The following BAZ2B variants were observed in gnomAD, a reference collection of about 807,000 sequenced individuals.
BAZ2B encodes the protein bromodomain adjacent to zinc finger domain 2B, also known as bromodomain adjacent to zinc finger domain protein 2B.
Under a neutral mutation model 246.0 loss-of-function variants are expected in BAZ2B, and 91 were observed. The ratio of observed to expected loss-of-function variants is 0.37; its 90% confidence interval spans 0.31 to 0.44. The LOEUF is 0.44. Among genes scored for constraint, BAZ2B ranks in the 20% least tolerant of loss-of-function variants. The pLI is 1.00. For synonymous variants in BAZ2B, 855 were observed against 860.0 expected, an observed-to-expected ratio of 0.99 and a Z score of 0.10; for missense variants, 2,332 against 2,533.7, an observed-to-expected ratio of 0.92 and a Z score of 1.71.
chr2:159,462,907 G>T, intron 3 of BAZ2B: 2 of 1,574,280 alleles, frequency 1.3e-6, no homozygotes, highest in Non-Finnish European at 1.7e-6. Flanking sequence ...CAAGACTTCA[G>T]ACCTCCATCT....
chr2:159,462,466 C>A (rs1048015649), intron 3 of BAZ2B: 2 of 1,114,680 alleles, frequency 1.8e-6, no homozygotes, highest in African/African-American at 3.1e-5. Flanking sequence ...TGCGGGTAAC[C>A]GGAAGCTGCC....
At chr2:159,593,833 C>T (rs1018664649) in intron 1 of BAZ2B, among the ~76,000 whole-genome samples, 4 of 152,190 alleles carry the variant, frequency 2.6e-5, no homozygotes, top group Non-Finnish European at 4.4e-5. Context: ...AAGGCAGGGA[C>T]TACTGTAATA....
At chr2:159,681,651 C>A in the BAZ2B span, among the ~76,000 whole-genome samples, 2 of 152,186 alleles carry the variant, frequency 1.3e-5, no homozygotes, top group African/African-American at 4.8e-5. Context: ...TTATTTCAGG[C>A]TGGGTGTGGT....
In BAZ2B at chr2:159,462,353, C is replaced by T. The variant is rs2150618224; in HGVS notation, c.146-8552G>A. On this transcript the variant is annotated intron_variant, in intron 3 of 36. Coordinates refer to ENST00000392783, the MANE Select transcript of BAZ2B (RefSeq NM_013450.4). ...TTTATCATATGACCACATGTTGAATCCTTGTCTTTCCACATACTGAAGAAT... is the reference window on the plus strand; with the variant it reads ...TTTATCATATGACCACATGTTGAATTCTTGTCTTTCCACATACTGAAGAAT... 3.6e-6 allele frequency: 4 copies of T among 1,099,972 alleles called. No homozygotes were observed. The South Asian group carries it at 5.6e-5, about 15-fold the overall frequency. The allele number at this position is 1,099,972 out of a possible 1,614,324, so 68.1% of individuals were successfully genotyped here. A position where few individuals can be genotyped will look rare whatever the true frequency, so the allele number is the denominator to read the frequency against.
At chr2:159,456,489 A>T (rs558956600) in intron 3 of BAZ2B, among the ~76,000 whole-genome samples, 1 of 152,248 alleles carries the variant, frequency 6.6e-6, no homozygotes, top group South Asian at 2.1e-4. Flanking sequence ...ATACTTTGAC[A>T]ACAAAAAGTT....
chr2:159,621,562 T>TA (rs1226060939), upstream of BAZ2B, among the ~76,000 whole-genome samples: 2 of 152,058 alleles, frequency 1.3e-5, no homozygotes, highest in Admixed American at 6.5e-5. Context: ...GGCACATGAA[T>TA]AAAAAACCAA....
chr2:159,469,721 A>AT (rs1199955740), intron 3 of BAZ2B, among the ~76,000 whole-genome samples: 1 of 152,016 alleles, frequency 6.6e-6, no homozygotes, highest in Non-Finnish European at 1.5e-5. Flanking sequence ...GATTACAGGC[A>AT]TGAGCCACCA....
chr2:159,433,435 T>C (rs1054194629), intron 8 of BAZ2B, 72 bp from the exon 9 acceptor site: 1 of 1,380,188 alleles, frequency 7.2e-7, no homozygotes, highest in African/African-American at 1.5e-5. Context: ...TTGCTTTCAA[T>C]ATCTGAAAAC....
chr2:159,360,731 T>C (rs998990312), intron 27 of BAZ2B, among the ~76,000 whole-genome samples: 13 of 152,296 alleles, frequency 8.5e-5, no homozygotes, highest in African/African-American at 3.1e-4. Flanking sequence ...TAAAACAGTA[T>C]GGTACTGGTA....
intron 19 of BAZ2B, 55 bp downstream of exon 19, chr2:159,397,290 T>C: frequency 7.3e-7 from 1 of 1,369,486 alleles, no homozygotes; most frequent in South Asian, 1.3e-5. Context: ...CAAATAGGTT[T>C]AAGCAATATT....
chr2:159,690,501 G>A, the BAZ2B span, among the ~76,000 whole-genome samples: 2 of 151,760 alleles, frequency 1.3e-5, no homozygotes, highest in Non-Finnish European at 2.9e-5. Flanking sequence ...TTTCTAACTG[G>A]TAGTTATTGA....
intron 2 of BAZ2B, among the ~76,000 whole-genome samples, chr2:159,553,386 C>A (rs1448028167): frequency 1.2e-5 from 1 of 80,418 alleles, no homozygotes. Flanking sequence ...GAGTGAGACT[C>A]TGTCTCAAAA....
Position 159,520,074 on chromosome 2 carries a change from A to G in BAZ2B, c.-3+35749T>C, listed in dbSNP as rs553673639. ...GAGGAAAGACAGCAAAACTGATACA[A>G]AGGAAATGTCCTATCTCTTATTTTA... is the stretch of plus-strand genomic sequence containing the variant. On this transcript the variant is annotated intron_variant, in intron 2 of 36. Transcript: ENST00000392783. Among the ~76,000 whole-genome samples, 8 of 152,218 alleles carry G rather than the reference A, an allele frequency of 5.3e-5. No individual in the cohort carries two copies. In the East Asian group the frequency reaches 1.5e-3, roughly 29 times the overall value.
intron 2 of BAZ2B, among the ~76,000 whole-genome samples, chr2:159,504,834 C>T (rs2151135485): frequency 6.6e-6 from 1 of 152,080 alleles, no homozygotes; most frequent in East Asian, 1.9e-4. Flanking sequence ...TACATAAAAA[C>T]ACAAGTCCAG....
rs1218604363 is a variant in BAZ2B at position 159,353,196 on chromosome 2, C to T, written c.4214-2839G>A. Among the ~76,000 whole-genome samples the T allele has an allele frequency of 3.3e-5, 5 of 152,246 alleles. No individual in the cohort carries two copies. The East Asian group carries it at 7.7e-4, about 24-fold the overall frequency. ...TTAATGTTTGACATAGCCCTCATAT[C>T]CTTCTCTTCAAATTAGTTTCTAGTT... On this transcript the variant is annotated intron_variant, in intron 27 of 36. Coordinates refer to ENST00000392783, the MANE Select transcript of BAZ2B (RefSeq NM_013450.4).
At chr2:159,512,232 C>T (rs1486552927) in intron 2 of BAZ2B, among the ~76,000 whole-genome samples, 2 of 152,138 alleles carry the variant, frequency 1.3e-5, no homozygotes, top group Admixed American at 1.3e-4. Context: ...GAATGACTTG[C>T]TCTTAAGTAT....
At position 159,412,479 on chromosome 2, in the gene BAZ2B, T is replaced by C. The variant is rs2066975100; in HGVS notation, c.2533A>G (p.Arg845Gly). Residue 845 changes from arginine to glycine, a missense_variant, in exon 14 of 37, where the codon AGA (arginine) becomes GGA (glycine). Arg to Gly is a moderately radical substitution (Grantham distance 125). Around this residue, in one of 9 missense-constraint regions of BAZ2B, gnomAD observed 651 missense variants for 650.9 expected, o/e 1.00. Coordinates refer to ENST00000392783, the MANE Select transcript of BAZ2B (RefSeq NM_013450.4). ...CTATCTGGATTTGGTGGTCTTCCTC[T>C]ACGACCTTCCATTGCCCTGATACGA... ...IPRIRAMEGRRGRPPNPDRQR... is the reference protein window; with the variant it reads ...IPRIRAMEGRGGRPPNPDRQR... 6.2e-7 allele frequency: 1 copy of C among 1,614,050 alleles called. No homozygotes were observed. The highest frequency in any genetic ancestry group is 1.3e-5 in the African/African-American group (1 of 74,954).
chr2:159,496,220 C>CA (rs2081117752), intron 2 of BAZ2B, among the ~76,000 whole-genome samples: 1 of 144,528 alleles, frequency 6.9e-6, no homozygotes. Flanking sequence ...CTAAAAAATA[C>CA]AAAAAACTAG....
chr2:159,612,315 A>G (rs1694878004), intron 1 of BAZ2B, among the ~76,000 whole-genome samples: 1 of 152,082 alleles, frequency 6.6e-6, no homozygotes, highest in Non-Finnish European at 1.5e-5. Context: ...TTAAAACTTC[A>G]TGGTAAAAAA....
Sources: gnomAD v4.1 joint callset for allele counts (sites outside exome capture counted in the v4.1 genomes callset) on GRCh38, gnomAD v4.1.1 for gene constraint, gnomAD v4.1.1 regional missense constraint, MANE v1.5 for transcripts, NCBI Gene and HGNC (gene_info 2026-07-23, HGNC 2026-07-21) for gene names.